CPLX3: variants seen among roughly 807,000 people sequenced by gnomAD.
The protein encoded by CPLX3 is complexin-3.
A neutral mutation model predicts 17.2 loss-of-function variants in CPLX3; 12 were observed. That is an observed-to-expected ratio of 0.70 (90% CI 0.45 to 1.13). The LOEUF (loss-of-function observed/expected upper bound fraction) is 1.13, where lower values mean the gene tolerates loss of function less well. Ranked by LOEUF, CPLX3 falls within the 50% of genes most tolerant of loss-of-function variation. CPLX3 has a pLI of 0.00. For missense variants in CPLX3, 172 were observed against 203.2 expected (o/e 0.85, Z 0.93); for synonymous variants, 75 against 79.4 (o/e 0.94, Z 0.29).
chr15:74,830,307 A>G lies in CPLX3; in HGVS notation c.430A>G (p.Thr144Ala). The change falls in exon 3 of 3, where the codon ACA (threonine) becomes GCA (alanine). Residue 144 changes from threonine (T) to alanine (A), a missense_variant. Thr to Ala is a moderately conservative substitution (Grantham distance 58). Transcript: ENST00000395018. ...CTCACTCAAGGACAAGGCCCAGGCCACACTGGGGGATCTCAAGCAATCAGC... is the reference window on the plus strand; with the variant it reads ...CTCACTCAAGGACAAGGCCCAGGCCGCACTGGGGGATCTCAAGCAATCAGC... The part of the protein sequence containing the change: ...LGSLKDKAQA[T>A]LGDLKQSAEK... The G allele has an allele frequency of 6.2e-7, 1 of 1,613,820 alleles. No homozygotes were observed. The highest frequency in any genetic ancestry group is 1.1e-5 in the South Asian group (1 of 91,058).
At chr15:74,829,590 A>G (rs150024588) in intron 2 of CPLX3, among the ~76,000 whole-genome samples, 1 of 152,348 alleles carries the variant, frequency 6.6e-6, no homozygotes, top group East Asian at 1.9e-4. Context: ...CACCCAGCTC[A>G]ACGTCTGCCA....
intron 2 of CPLX3, among the ~76,000 whole-genome samples, chr15:74,829,694 G>C (rs2063959422): frequency 6.6e-6 from 1 of 152,160 alleles, no homozygotes; most frequent in Non-Finnish European, 1.5e-5. Flanking sequence ...TGACTTAGCT[G>C]ACTGTAACAG....
rs567741481 is a variant in CPLX3, at chr15:74,829,049, A to G, written c.252+928A>G. 1.9e-4 allele frequency among the ~76,000 whole-genome samples: 29 copies of G among 152,332 alleles called. No homozygotes were observed. In the South Asian group the frequency reaches 4.8e-3, roughly 25 times the overall value. The stretch of plus-strand genomic sequence containing the variant: ...TTCCACTTGAATTGAATGACCAAAT[A>G]TATGAACATCACATTCACTCATTCA... On this transcript the variant is annotated intron_variant, in intron 2 of 2. Coordinates refer to ENST00000395018, the MANE Select transcript of CPLX3 (RefSeq NM_001030005.3).
intron 2 of CPLX3, 152 bp downstream of exon 2, chr15:74,828,273 A>G (rs2063952855): frequency 7.1e-6 from 5 of 704,094 alleles, no homozygotes; most frequent in African/African-American, 7.1e-5. Context: ...TCTTTTATTC[A>G]TTCACTCACT....
chr15:74,829,616 A>G (rs1355623786), intron 2 of CPLX3, among the ~76,000 whole-genome samples: 1 of 152,208 alleles, frequency 6.6e-6, no homozygotes, highest in African/African-American at 2.4e-5. Flanking sequence ...TAGATATAAT[A>G]GATGTTTGAT....
At chr15:74,827,329 A>G (rs1262532177) in intron 1 of CPLX3, among the ~76,000 whole-genome samples, 1 of 152,210 alleles carries the variant, frequency 6.6e-6, no homozygotes, top group Non-Finnish European at 1.5e-5. Context: ...GTGCTGGGAC[A>G]GAGTTTGGGG....
rs573985374 is a variant in CPLX3 at position 74,826,993 on chromosome 15, C to T, written c.164+126C>T. On this transcript the variant is annotated intron_variant, in intron 1 of 2. Transcript: ENST00000395018. This position sits in a 1 kb window ranked among gnomAD's most constrained non-coding sequence, Gnocchi z 5.0. ...CTACTTTCCTAGACACGGTAAGAGA[C>T]CGGGAGGTGTCCTCTACACTGCCCC... The T allele has an allele frequency of 4.1e-4, 350 of 844,116 alleles. 1 individual carries two copies. The highest frequency in any genetic ancestry group is 1.2e-3 in the Admixed American group (39 of 32,404). The allele number at this position is 844,116 out of a possible 1,614,324, so 52.3% of individuals were successfully genotyped here.
At chr15:74,827,966 C>A in intron 1 of CPLX3, 68 bp from the exon 2 acceptor site, 2 of 1,309,750 alleles carry the variant, frequency 1.5e-6, no homozygotes, top group Non-Finnish European at 2.2e-6. Flanking sequence ...CCCTTCTGTC[C>A]CTCCCTCGAA....
chr15:74,826,836 G>C lies in CPLX3; in HGVS notation c.133G>C (p.Glu45Gln), dbSNP rs767232852. 6 of 1,604,418 alleles carry C rather than the reference G, an allele frequency of 3.7e-6. No individual in the cohort carries two copies. The South Asian group carries it at 6.6e-5, about 18-fold the overall frequency. Reference protein sequence around the residue: ...EAQGMSREEYEEYQKQLVEEK... With the variant: ...EAQGMSREEYQEYQKQLVEEK... ...TCAGGGCATGAGCCGGGAGGAGTAC[G>C]AGGAGTATCAGAAGCAACTCGTGGA... is the stretch of plus-strand genomic sequence containing the variant. Residue 45 changes from glutamate to glutamine, a missense_variant, in exon 1 of 3, where the codon GAG becomes CAG. By Grantham distance (29) the Glu-to-Gln change is conservative (BLOSUM62 2). Coordinates refer to ENST00000395018, the MANE Select transcript of CPLX3 (RefSeq NM_001030005.3). The surrounding 1 kb of genome is among the most constrained non-coding windows in gnomAD (Gnocchi z 5.0).
chr15:74,829,223 G>C (rs1333324976), intron 2 of CPLX3, among the ~76,000 whole-genome samples: 1 of 152,142 alleles, frequency 6.6e-6, no homozygotes, highest in Non-Finnish European at 1.5e-5. Context: ...GCTTGCGCTA[G>C]GCATATAAGA....
chr15:74,828,134 C>T lies in CPLX3; in HGVS notation c.252+13C>T, dbSNP rs769835804. ...CCGGCTACCCAAGGTAAGCTGGCCC[C>T]GGCTGTGAGGCACATCTGGGACCCT... On this transcript the variant is annotated intron_variant, in intron 2 of 2. Transcript: ENST00000395018. The T allele has an allele frequency of 4.1e-5, 65 of 1,567,332 alleles. 1 individual carries two copies. The South Asian group carries it at 4.5e-4, about 11-fold the overall frequency.
intron 1 of CPLX3, 88 bp from the exon 2 acceptor site, chr15:74,827,946 A>C: frequency 9.4e-7 from 1 of 1,066,846 alleles, no homozygotes; most frequent in Non-Finnish European, 1.4e-6. Context: ...AGCTGCTAGG[A>C]CTCAGAGACC....
In CPLX3 at chr15:74,826,916, A is replaced by G; in HGVS notation, c.164+49A>G. On this transcript the variant is annotated intron_variant, in intron 1 of 2. Coordinates refer to ENST00000395018, the MANE Select transcript of CPLX3 (RefSeq NM_001030005.3). The surrounding 1 kb of genome is among the most constrained non-coding windows in gnomAD (Gnocchi z 5.0). Reference sequence around the variant, plus strand: ...CCAACGACCTCCCCTCCCCACCCCCACAGCTGCTCAGTCCATCCCCGGGCC... The same window carrying G: ...CCAACGACCTCCCCTCCCCACCCCCGCAGCTGCTCAGTCCATCCCCGGGCC... 6.5e-7 allele frequency: 1 copy of G among 1,532,092 alleles called. No homozygotes were observed. Among genetic ancestry groups the G allele is most frequent in the South Asian group, 1.2e-5 (1 of 85,708 alleles). 94.9% of individuals were successfully genotyped at this position (1,532,092 alleles called of 1,614,324 possible).
chr15:74,826,929 C>T lies in CPLX3; in HGVS notation c.164+62C>T, dbSNP rs1274303209. Reference sequence around the variant, plus strand: ...CTCCCCACCCCCACAGCTGCTCAGTCCATCCCCGGGCCAGCCTCAGGTCCC... The same window carrying T: ...CTCCCCACCCCCACAGCTGCTCAGTTCATCCCCGGGCCAGCCTCAGGTCCC... On this transcript the variant is annotated intron_variant, in intron 1 of 2. Transcript: ENST00000395018. The surrounding 1 kb of genome is among the most constrained non-coding windows in gnomAD (Gnocchi z 5.0). 2.0e-6 allele frequency: 3 copies of T among 1,464,638 alleles called. No homozygotes were observed. The African/African-American group carries it at 4.3e-5, about 21-fold the overall frequency. The allele number at this position is 1,464,638 out of a possible 1,614,324, so 90.7% of individuals were successfully genotyped here. A position where few individuals can be genotyped will look rare whatever the true frequency, so the allele number is the denominator to read the frequency against.
At chr15:74,830,052 C>A (rs2141121236) in intron 2 of CPLX3, 78 bp from the exon 3 acceptor site, 1 of 1,109,232 alleles carries the variant, frequency 9.0e-7, no homozygotes, top group Non-Finnish European at 1.3e-6. Flanking sequence ...CCAGTCCAAG[C>A]CTCCTCCCTG....
chr15:74,827,400 C>A (rs2063948765), intron 1 of CPLX3, among the ~76,000 whole-genome samples: 1 of 152,240 alleles, frequency 6.6e-6, no homozygotes, highest in African/African-American at 2.4e-5. Flanking sequence ...AGCTGGATAA[C>A]TTTAGGCAAG....
intron 2 of CPLX3, among the ~76,000 whole-genome samples, chr15:74,828,628 G>A (rs976420398): frequency 1.3e-5 from 2 of 152,162 alleles, no homozygotes; most frequent in South Asian, 2.1e-4. Context: ...CACCCACAGC[G>A]ACAAAAGATG....
rs1186383927 is a variant in CPLX3, at chr15:74,826,834, A to G, written c.131A>G (p.Tyr44Cys). The G allele has an allele frequency of 7.5e-6, 12 of 1,604,502 alleles. No homozygotes were observed. The highest frequency in any genetic ancestry group is 1.0e-5 in the Non-Finnish European group (12 of 1,175,478). ...AEAQGMSREE[Y>C]EEYQKQLVEE... is the part of the protein sequence containing the mutation. ...GCTCAGGGCATGAGCCGGGAGGAGT[A>G]CGAGGAGTATCAGAAGCAACTCGTG... The change falls in exon 1 of 3, where the codon TAC becomes TGC. Residue 44 changes from tyrosine to cysteine, a missense_variant. Coordinates refer to ENST00000395018, the MANE Select transcript of CPLX3 (RefSeq NM_001030005.3). This position sits in a 1 kb window ranked among gnomAD's most constrained non-coding sequence, Gnocchi z 5.0.
At chr15:74,827,964 T>C in intron 1 of CPLX3, 70 bp from the exon 2 acceptor site, 1 of 1,287,650 alleles carries the variant, frequency 7.8e-7, no homozygotes, top group East Asian at 2.5e-5. Context: ...ACCCCTTCTG[T>C]CCCTCCCTCG....
Sources: allele counts gnomAD v4.1 joint callset (sites outside exome capture counted in the v4.1 genomes callset), GRCh38; gene constraint gnomAD v4.1.1; non-coding constraint Gnocchi (gnomAD v3.1); transcripts MANE v1.5; gene names NCBI Gene and HGNC (gene_info 2026-07-23, HGNC 2026-07-21).